Variants in SYCP2L observed in about 807,000 individuals in gnomAD.
SYCP2L encodes synaptonemal complex protein 2-like.
SYCP2L carries 98 observed loss-of-function variants against 125.8 expected under a neutral mutation model. That is an observed-to-expected ratio of 0.78 (90% confidence interval 0.66 to 0.92). The LOEUF (loss-of-function observed/expected upper bound fraction) is 0.92. Among genes scored for constraint, SYCP2L ranks in the 40% least tolerant of loss-of-function variants. The probability of loss-of-function intolerance (pLI) is 0.00; values close to 1 mark genes in which losing one functional copy is unlikely to be tolerated. For synonymous variants in SYCP2L, 317 were observed against 325.4 expected, an observed-to-expected ratio of 0.97 and a Z score of 0.28; for missense variants, 842 against 936.4, an observed-to-expected ratio of 0.90 and a Z score of 1.32.
chr6:10,972,300 A>T (rs1005486893), intron 29 of SYCP2L, among the ~76,000 whole-genome samples: 6 of 152,208 alleles, frequency 3.9e-5, no homozygotes, highest in African/African-American at 1.4e-4. Flanking sequence ...GAGGATATTA[A>T]AAAAAGACTA....
chr6:10,891,342 T>A (rs1234998275), intron 1 of SYCP2L, among the ~76,000 whole-genome samples, 171 bp from the exon 2 acceptor site: 1 of 152,100 alleles, frequency 6.6e-6, no homozygotes, highest in Non-Finnish European at 1.5e-5. Flanking sequence ...TTCTCTTTTT[T>A]CTAAGTACTA....
At chr6:10,948,480 G>A (rs80070356) in intron 23 of SYCP2L, among the ~76,000 whole-genome samples, 4,054 of 152,190 alleles carry the variant, frequency 0.027, 146 homozygotes, top group East Asian at 0.2. Flanking sequence ...GTAGAAGGGT[G>A]TGGTGGTCCT....
At chr6:10,913,232 G>C (rs999820814) in intron 14 of SYCP2L, among the ~76,000 whole-genome samples, 4 of 152,168 alleles carry the variant, frequency 2.6e-5, no homozygotes, top group South Asian at 4.1e-4. Context: ...TGCTGCTTTG[G>C]TTTGAAAGAG....
chr6:10,971,862 CAG>C (rs1414350617), intron 29 of SYCP2L, among the ~76,000 whole-genome samples: 1 of 151,982 alleles, frequency 6.6e-6, no homozygotes, highest in African/African-American at 2.4e-5. Flanking sequence ...TTTTAGTAGA[CAG>C]AGTGTGTCGC....
At position 10,925,984 on chromosome 6, in the gene SYCP2L, C is replaced by G. The variant is rs558430554; in HGVS notation, c.1219-355C>G. ...AGGGAAAGGGGTTGGACTGAGGACC[C>G]TATAGTTGGGAACTCACTACAGACT... On this transcript the variant is annotated intron_variant, in intron 15 of 29. Transcript: ENST00000283141. Among the ~76,000 whole-genome samples the G allele has an allele frequency of 5.3e-5, 8 of 152,252 alleles. No individual in the cohort carries two copies. The South Asian group carries it at 1.7e-3, about 32-fold the overall frequency.
rs1355915538 is a variant in SYCP2L at position 10,910,882 on chromosome 6, C to G, written c.918+13C>G. 1 of 1,613,744 alleles carries G rather than the reference C, an allele frequency of 6.2e-7. No individual in the cohort carries two copies. Among genetic ancestry groups the G allele is most frequent in the Non-Finnish European group, 8.5e-7 (1 of 1,179,844 alleles). On this transcript the variant is annotated intron_variant, in intron 12 of 29. Coordinates refer to ENST00000283141, the MANE Select transcript of SYCP2L (RefSeq NM_001040274.3). ...TGATGAGCATGAGGTATGTTCATCC[C>G]TCTTGGAGGTCCTGAGGGCGGTGTG... is the stretch of plus-strand genomic sequence containing the variant.
chr6:10,891,440 C>CT, intron 1 of SYCP2L, 73 bp from the exon 2 acceptor site: 1 of 296,554 alleles, frequency 3.4e-6, no homozygotes, highest in Non-Finnish European at 5.2e-6. Flanking sequence ...TTTTTTTTTG[C>CT]TTTGTGTTTA....
intron 1 of SYCP2L, among the ~76,000 whole-genome samples, chr6:10,890,691 G>C (rs957894139): frequency 6.6e-6 from 1 of 152,076 alleles, no homozygotes; most frequent in South Asian, 2.1e-4. Flanking sequence ...TTTTTGGTCT[G>C]TATAATTTCA....
At chr6:10,897,916 G>A in intron 4 of SYCP2L, 95 bp from the exon 5 acceptor site, 1 of 849,296 alleles carries the variant, frequency 1.2e-6, no homozygotes. Flanking sequence ...AGATCTTTAA[G>A]ATTATTTTGT....
At chr6:10,971,472 A>G (rs557885316) in intron 29 of SYCP2L, among the ~76,000 whole-genome samples, 15 of 151,192 alleles carry the variant, frequency 9.9e-5, no homozygotes, top group Middle Eastern at 3.4e-3. Context: ...AAAAAAAAAA[A>G]AAAGAAAGAA....
chr6:10,966,172 T>C (rs1781673760), intron 29 of SYCP2L, among the ~76,000 whole-genome samples: 1 of 152,008 alleles, frequency 6.6e-6, no homozygotes, highest in South Asian at 2.1e-4. Flanking sequence ...AAATTCTCAA[T>C]AAAGTGTTGG....
chr6:10,899,217 T>C (rs933549048), intron 6 of SYCP2L, among the ~76,000 whole-genome samples: 1 of 152,208 alleles, frequency 6.6e-6, no homozygotes, highest in Non-Finnish European at 1.5e-5. Context: ...TTAGAAACTT[T>C]GGAGGATAGA....
intron 20 of SYCP2L, 67 bp from the exon 21 acceptor site, chr6:10,934,991 T>C (rs950125473): frequency 2.4e-4 from 324 of 1,374,068 alleles, no homozygotes; most frequent in Non-Finnish European, 3.1e-4. Context: ...TGAAAATGTC[T>C]TACAATATTT....
chr6:10,907,768 G>A (rs1780523675), intron 10 of SYCP2L, 84 bp downstream of exon 10: 2 of 1,460,302 alleles, frequency 1.4e-6, no homozygotes, highest in South Asian at 1.3e-5. Flanking sequence ...TTGGGCTTAC[G>A]GGAGGATTTT....
At chr6:10,897,009 T>C (rs565992897) in intron 4 of SYCP2L, among the ~76,000 whole-genome samples, 1 of 152,142 alleles carries the variant, frequency 6.6e-6, no homozygotes, top group Non-Finnish European at 1.5e-5. Flanking sequence ...GTTCAGCTGA[T>C]AATTTCTAAC....
In SYCP2L at chr6:10,956,235, A is replaced by G. The variant is rs778088162; in HGVS notation, c.2156A>G (p.Lys719Arg). The change falls in exon 25 of 30, where the codon AAA (lysine) becomes AGA (arginine). Residue 719 changes from lysine to arginine, a missense_variant. Lys to Arg is a conservative substitution (Grantham distance 26). Transcript: ENST00000283141. ...FENFTKKRKR[K>R]YELRYRKRPF... Reference sequence around the variant, plus strand: ...AACTTCACTAAAAAACGGAAAAGAAAATATGAGGTAGTAGTCCACAAAACT... The same window carrying G: ...AACTTCACTAAAAAACGGAAAAGAAGATATGAGGTAGTAGTCCACAAAACT... 3.7e-6 allele frequency: 6 copies of G among 1,611,616 alleles called. No homozygotes were observed. Among genetic ancestry groups the G allele is most frequent in the South Asian group, 3.3e-5 (3 of 90,996 alleles).
At chr6:10,924,153 G>C (rs531400564) in intron 14 of SYCP2L, among the ~76,000 whole-genome samples, 40 of 152,228 alleles carry the variant, frequency 2.6e-4, no homozygotes, top group African/African-American at 9.4e-4. Flanking sequence ...GTATATTTGG[G>C]AATAAAATAC....
chr6:10,932,244 T>G (rs1781009110), intron 20 of SYCP2L, among the ~76,000 whole-genome samples: 1 of 152,152 alleles, frequency 6.6e-6, no homozygotes, highest in South Asian at 2.1e-4. Flanking sequence ...CCTCAAAGTT[T>G]CTTCATTTCC....
intron 25 of SYCP2L, among the ~76,000 whole-genome samples, chr6:10,956,983 C>T (rs1285687769): frequency 6.6e-6 from 1 of 152,068 alleles, no homozygotes; most frequent in Non-Finnish European, 1.5e-5. Flanking sequence ...CATGCCACCA[C>T]ACCTGGCTAA....
Sources: gnomAD v4.1 joint callset for allele counts (sites outside exome capture counted in the v4.1 genomes callset) on GRCh38, gnomAD v4.1.1 for gene constraint, MANE v1.5 for transcripts, NCBI Gene and HGNC (gene_info 2026-07-23, HGNC 2026-07-21) for gene names.